DSCAM: variants seen among roughly 807,000 people sequenced by gnomAD.
DSCAM encodes cell adhesion molecule DSCAM.
A neutral mutation model predicts 217.7 loss-of-function variants in DSCAM; 47 were observed. The ratio of observed to expected loss-of-function variants is 0.22; its 90% confidence interval spans 0.17 to 0.28. The LOEUF is 0.28. Among genes scored for constraint, DSCAM ranks in the 10% least tolerant of loss-of-function variants. The pLI, the probability that DSCAM is intolerant of heterozygous loss-of-function variation, is 1.00. For synonymous variants in DSCAM, 1,056 were observed against 1,015.3 expected (o/e 1.04, Z -0.76); for missense variants, 2,080 against 2,618.3 (o/e 0.79, Z 4.49).
intron 3 of DSCAM, among the ~76,000 whole-genome samples, chr21:40,642,472 CA>C (rs1485943335): frequency 6.6e-6 from 1 of 152,118 alleles, no homozygotes; most frequent in Non-Finnish European, 1.5e-5. Flanking sequence ...GGAGAGCTTC[CA>C]AAAAGAGAAA....
At chr21:40,575,626 T>C (rs1601757495) in intron 3 of DSCAM, among the ~76,000 whole-genome samples, 2 of 152,306 alleles carry the variant, frequency 1.3e-5, no homozygotes, top group Admixed American at 1.3e-4. Flanking sequence ...CTCCTTATGT[T>C]AAAATTAACT....
At chr21:40,231,010 CTTT>C (rs372643343) in intron 11 of DSCAM, among the ~76,000 whole-genome samples, 2 of 137,644 alleles carry the variant, frequency 1.5e-5, no homozygotes, top group Non-Finnish European at 3.1e-5. Context: ...CTCGATTATG[CTTT>C]TTTTTTTTTT....
At chr21:40,814,613 A>G (rs922345985) in intron 1 of DSCAM, among the ~76,000 whole-genome samples, 2 of 152,216 alleles carry the variant, frequency 1.3e-5, no homozygotes, top group Middle Eastern at 3.2e-3. Context: ...TACATAGATC[A>G]TTGTTGTCAA....
intron 3 of DSCAM, among the ~76,000 whole-genome samples, chr21:40,466,096 CAT>C (rs2075843138): frequency 6.6e-6 from 1 of 152,176 alleles, no homozygotes; most frequent in Non-Finnish European, 1.5e-5. Flanking sequence ...ATCCCACAGA[CAT>C]ATGTGTGGTC....
intron 3 of DSCAM, among the ~76,000 whole-genome samples, chr21:40,448,470 C>A (rs562357532): frequency 6.6e-6 from 1 of 152,254 alleles, no homozygotes; most frequent in Admixed American, 6.5e-5. Context: ...CCACTGGGTC[C>A]CCTGGTTCTC....
intron 11 of DSCAM, among the ~76,000 whole-genome samples, chr21:40,203,194 T>C (rs2091088679): frequency 6.6e-6 from 1 of 152,256 alleles, no homozygotes; most frequent in African/African-American, 2.4e-5. Context: ...ACTTGGTACA[T>C]CCTTGGCTGC....
chr21:40,782,515 C>T (rs1213355418), intron 1 of DSCAM, among the ~76,000 whole-genome samples: 5 of 152,100 alleles, frequency 3.3e-5, no homozygotes, highest in Non-Finnish European at 7.4e-5. Context: ...ATCGCTTGAG[C>T]CCAGAAGTTT....
At chr21:40,759,408 T>C (rs1169538017) in intron 1 of DSCAM, among the ~76,000 whole-genome samples, 2 of 152,190 alleles carry the variant, frequency 1.3e-5, no homozygotes, top group African/African-American at 4.8e-5. Context: ...CAGGCTGGAT[T>C]ACATCTTTTT....
At chr21:40,465,019 G>A (rs1028102161) in intron 3 of DSCAM, among the ~76,000 whole-genome samples, 1 of 152,062 alleles carries the variant, frequency 6.6e-6, no homozygotes, top group Admixed American at 6.5e-5. Context: ...GATTACAGGT[G>A]TGAGCCACCG....
chr21:40,063,350 T>C (rs529638717), intron 27 of DSCAM, among the ~76,000 whole-genome samples: 1 of 152,290 alleles, frequency 6.6e-6, no homozygotes, highest in African/African-American at 2.4e-5. Flanking sequence ...AAATGAAATA[T>C]AAATGTTCCT....
At chr21:40,382,762 A>G (rs531140734) in intron 3 of DSCAM, among the ~76,000 whole-genome samples, 14 of 152,334 alleles carry the variant, frequency 9.2e-5, no homozygotes, top group African/African-American at 2.6e-4. Flanking sequence ...GCACTGTGAG[A>G]GTAACTCAAT....
chr21:40,523,796 CACAA>C (rs1386487404), intron 3 of DSCAM, among the ~76,000 whole-genome samples: 1 of 152,056 alleles, frequency 6.6e-6, no homozygotes, highest in African/African-American at 2.4e-5. Flanking sequence ...CACAGTAACA[CACAA>C]ACACACACAC....
intron 1 of DSCAM, among the ~76,000 whole-genome samples, chr21:40,745,489 G>A (rs1033725057): frequency 1.3e-5 from 2 of 152,174 alleles, no homozygotes; most frequent in African/African-American, 4.8e-5. Context: ...GGCCAGAAGA[G>A]ATTGGGATGA....
intron 3 of DSCAM, among the ~76,000 whole-genome samples, chr21:40,684,174 G>A (rs1185893342): frequency 6.6e-6 from 1 of 151,894 alleles, no homozygotes; most frequent in African/African-American, 2.4e-5. Flanking sequence ...GCAATGAGCC[G>A]AGATCGCGTC....
chr21:40,274,294 C>T (rs901042486), intron 11 of DSCAM, among the ~76,000 whole-genome samples: 6 of 152,156 alleles, frequency 3.9e-5, no homozygotes, highest in Non-Finnish European at 1.5e-5. Context: ...GCTGACATTT[C>T]CATCCTCCTC....
chr21:40,026,806 T>C (rs1344413580), intron 32 of DSCAM, among the ~76,000 whole-genome samples: 1 of 78,216 alleles, frequency 1.3e-5, no homozygotes, highest in African/African-American at 4.9e-5. Context: ...AGCACACTGA[T>C]GGGTCTTGAC....
intron 1 of DSCAM, among the ~76,000 whole-genome samples, chr21:40,767,244 G>T (rs1321212987): frequency 1.3e-5 from 2 of 152,062 alleles, no homozygotes; most frequent in Admixed American, 1.3e-4. Context: ...AGTAAGCAGG[G>T]TTGCCTTCTT....
At chr21:40,367,480 T>C (rs2074845553) in intron 4 of DSCAM, among the ~76,000 whole-genome samples, 1 of 152,234 alleles carries the variant, frequency 6.6e-6, no homozygotes, top group African/African-American at 2.4e-5. Flanking sequence ...TATATTTAAA[T>C]CTAATTTAAA....
At chr21:40,360,523 G>A (rs2074750931) in intron 4 of DSCAM, among the ~76,000 whole-genome samples, 2 of 151,890 alleles carry the variant, frequency 1.3e-5, no homozygotes, top group African/African-American at 4.8e-5. Context: ...GTCCATGTGT[G>A]GTCAATATTT....
Sources: gnomAD v4.1 joint callset for allele counts (sites outside exome capture counted in the v4.1 genomes callset) on GRCh38, gnomAD v4.1.1 for gene constraint, MANE v1.5 for transcripts, NCBI Gene and HGNC (gene_info 2026-07-23, HGNC 2026-07-21) for gene names.